Variants in CDRT4 observed in about 807,000 individuals in gnomAD.
CDRT4 encodes CMT1A duplicated region transcript 4 protein.
For synonymous variants in CDRT4, 64 were observed against 69.6 expected, an observed-to-expected ratio of 0.92 and a Z score of 0.40; for missense variants, 167 against 193.1, an observed-to-expected ratio of 0.87 and a Z score of 0.80.
At chr17:15,440,818 G>T (rs930160806) in intron 2 of CDRT4, among the ~76,000 whole-genome samples, 1 of 152,162 alleles carries the variant, frequency 6.6e-6, no homozygotes, top group Non-Finnish European at 1.5e-5. Context: ...ACCATGCAGG[G>T]GGGAAATCTG....
chr17:15,440,101 T>TAAAA, intron 3 of CDRT4, 107 bp downstream of exon 3: 1 of 800,382 alleles, frequency 1.2e-6, no homozygotes, highest in Non-Finnish European at 1.8e-6. Context: ...AAATATATAT[T>TAAAA]AAAAAAAAAA....
chr17:15,440,712 G>A (rs1978720412), intron 2 of CDRT4, among the ~76,000 whole-genome samples: 1 of 152,230 alleles, frequency 6.6e-6, no homozygotes, highest in Non-Finnish European at 1.5e-5. Context: ...TTCTCAGCCT[G>A]GAATGACAGA....
At chr17:15,461,422 G>A (rs77337048) in intron 1 of CDRT4, among the ~76,000 whole-genome samples, 3,429 of 152,336 alleles carry the variant, frequency 0.023, 58 homozygotes, top group Non-Finnish European at 0.033. Flanking sequence ...ACTTCCTGGG[G>A]TAGATGACTT....
intron 2 of CDRT4, among the ~76,000 whole-genome samples, chr17:15,443,446 ATTTTT>A (rs34178494): frequency 2.4e-5 from 3 of 125,392 alleles, no homozygotes; most frequent in Non-Finnish European, 3.3e-5. Flanking sequence ...TAGCTGGATA[ATTTTT>A]TTTTTTTTTT....
chr17:15,457,973 C>G (rs566013255), intron 1 of CDRT4, among the ~76,000 whole-genome samples: 1 of 152,348 alleles, frequency 6.6e-6, no homozygotes, highest in African/African-American at 2.4e-5. Context: ...CAGAGAGGGG[C>G]TCAGGACGCT....
intron 2 of CDRT4, among the ~76,000 whole-genome samples, chr17:15,447,435 G>A (rs1185760867): frequency 1.3e-5 from 2 of 152,222 alleles, no homozygotes; most frequent in Non-Finnish European, 2.9e-5. Context: ...TCCAAATCCT[G>A]AGTGAAGTGC....
chr17:15,437,374 C>A lies in CDRT4; in HGVS notation c.*399G>T. On this transcript the variant is annotated 3_prime_UTR_variant, in exon 4 of 4. Transcript: ENST00000619038. ...GTGATGCCTGCTTCCTGTGGTGCTA[C>A]CTCCATGGATACCTTTGTATTCCCT... The A allele has an allele frequency of 4.3e-6, 1 of 231,532 alleles. No individual in the cohort carries two copies. The highest frequency in any genetic ancestry group is 8.5e-6 in the Non-Finnish European group (1 of 117,296). The allele number at this position is 231,532 out of a possible 1,614,324, so 14.3% of individuals were successfully genotyped here.
intron 2 of CDRT4, among the ~76,000 whole-genome samples, chr17:15,441,259 T>C (rs1157510610): frequency 6.6e-6 from 1 of 152,126 alleles, no homozygotes; most frequent in Non-Finnish European, 1.5e-5. Context: ...TTGAGAACCA[T>C]GGGTCGAAGG....
chr17:15,443,129 T>C (rs1978846698), intron 2 of CDRT4, among the ~76,000 whole-genome samples: 2 of 151,978 alleles, frequency 1.3e-5, no homozygotes, highest in Admixed American at 1.3e-4. Context: ...ACAGACTAGG[T>C]TTGGCCTAAA....
intron 2 of CDRT4, chr17:15,443,511 G>A (rs1978872554): frequency 5.5e-6 from 1 of 180,570 alleles, no homozygotes; most frequent in Admixed American, 6.0e-5. Context: ...TCAAGTTCCT[G>A]GGCCCAAGCG....
rs78707652 is a variant in CDRT4, at chr17:15,440,163, C to T, written c.31+45G>A. On this transcript the variant is annotated intron_variant, in intron 3 of 3. Transcript: ENST00000619038. ...CCACTGCGAATCCTCCAACCCTAGA[C>T]GGCCCCAGTGCAGGAGCTTCCACTG... 2.9e-3 allele frequency: 4,702 copies of T among 1,605,258 alleles called. 120 individuals carry two copies. The Admixed American group carries it at 0.044, about 15-fold the overall frequency.
intron 2 of CDRT4, chr17:15,443,860 A>G (rs1391878279): frequency 1.7e-6 from 1 of 598,838 alleles, no homozygotes; most frequent in Non-Finnish European, 3.2e-6. Context: ...CATGTACAGA[A>G]CATGATCAAG....
At chr17:15,457,008 C>T (rs183799102) in intron 1 of CDRT4, among the ~76,000 whole-genome samples, 1 of 152,304 alleles carries the variant, frequency 6.6e-6, no homozygotes, top group African/African-American at 2.4e-5. Flanking sequence ...CACTGCTCAG[C>T]ACCAAGAGAT....
chr17:15,454,346 C>T (rs1979389513), intron 1 of CDRT4, among the ~76,000 whole-genome samples: 1 of 152,140 alleles, frequency 6.6e-6, no homozygotes, highest in Non-Finnish European at 1.5e-5. Context: ...CACATGTTAA[C>T]CGAGGGATGT....
Position 15,464,070 on chromosome 17 carries a change from C to A in CDRT4, c.-130+3390G>T, listed in dbSNP as rs946228342. Among the ~76,000 whole-genome samples the A allele has an allele frequency of 1.3e-5, 2 of 152,184 alleles. No homozygotes were observed. The highest frequency in any genetic ancestry group is 4.8e-5 in the African/African-American group (2 of 41,444). On this transcript the variant is annotated intron_variant, in intron 1 of 3. Transcript: ENST00000619038. The surrounding 1 kb of genome is among the most constrained non-coding windows in gnomAD (Gnocchi z 4.5). The stretch of plus-strand genomic sequence containing the variant: ...CCTCTAGGAGTATGGCATGGAGGGG[C>A]AGACCTCGAATGTTGGCATTAGGCA...
chr17:15,461,928 AAT>A (rs1979767015), intron 1 of CDRT4, among the ~76,000 whole-genome samples: 1 of 152,226 alleles, frequency 6.6e-6, no homozygotes, highest in Admixed American at 6.5e-5. Context: ...TAAAAATTAA[AAT>A]ATATTTCAAT....
chr17:15,451,684 T>C (rs1979271361), intron 2 of CDRT4, among the ~76,000 whole-genome samples: 1 of 152,194 alleles, frequency 6.6e-6, no homozygotes, highest in Non-Finnish European at 1.5e-5. Context: ...CTGGGATGCA[T>C]GTGTCCCTGA....
In CDRT4 at chr17:15,464,997, A is replaced by ACC. The variant is rs1441863556; in HGVS notation, c.-130+2462_-130+2463insGG. Reference sequence around the variant, plus strand: ...GACACACCAACACACAGACACACGCAATACAGACACACACAACACAGACAC... The same window carrying ACC: ...GACACACCAACACACAGACACACGCACCATACAGACACACACAACACAGACAC... On this transcript the variant is annotated intron_variant, in intron 1 of 3. Transcript: ENST00000619038. The surrounding 1 kb of genome is among the most constrained non-coding windows in gnomAD (Gnocchi z 4.5). Among the ~76,000 whole-genome samples, 1 of 150,604 alleles carries ACC rather than the reference A, an allele frequency of 6.6e-6. No homozygotes were observed. The highest frequency in any genetic ancestry group is 1.5e-5 in the Non-Finnish European group (1 of 67,540).
chr17:15,457,908 C>G (rs927775461), intron 1 of CDRT4, among the ~76,000 whole-genome samples: 1 of 152,202 alleles, frequency 6.6e-6, no homozygotes, highest in African/African-American at 2.4e-5. Flanking sequence ...TCTGTTCCCC[C>G]ACAGGACCCA....
Sources: gnomAD v4.1 joint callset for allele counts (sites outside exome capture counted in the v4.1 genomes callset) on GRCh38, gnomAD v4.1.1 for gene constraint, Gnocchi (gnomAD v3.1) non-coding constraint, MANE v1.5 for transcripts, NCBI Gene and HGNC (gene_info 2026-07-23, HGNC 2026-07-21) for gene names.